Variants in DNAJA3 observed in about 807,000 individuals in gnomAD.
DNAJA3 encodes dnaJ homolog subfamily A member 3, mitochondrial.
DNAJA3 carries 29 observed loss-of-function variants against 54.9 expected under a neutral mutation model. That is an observed-to-expected ratio of 0.53 (90% CI 0.39 to 0.72). The LOEUF (loss-of-function observed/expected upper bound fraction) is 0.72, where lower values mean the gene tolerates loss of function less well. Ranked by LOEUF, DNAJA3 falls within the 30% of genes least tolerant of loss-of-function variation. The pLI, the probability that DNAJA3 is intolerant of heterozygous loss-of-function variation, is 0.00. For missense variants in DNAJA3, 708 were observed against 639.4 expected (o/e 1.11, Z -1.16); for synonymous variants, 302 against 251.4 (o/e 1.20, Z -1.90).
Position 4,434,431 on chromosome 16 carries a change from G to GC in DNAJA3, c.263dup (p.Leu89PhefsTer35). On this transcript the variant is annotated frameshift_variant, in exon 2 of 12. Coordinates refer to ENST00000262375, the MANE Select transcript of DNAJA3 (RefSeq NM_005147.6). LOFTEE classifies it high-confidence loss of function. ...TTGTACTGCCTCCTTCCACACGAGT[G>GC]CCCCTTTGGCCAAAGAAGATTATTA... 6.2e-7 allele frequency: 1 copy of GC among 1,613,882 alleles called. No individual in the cohort carries two copies. Among genetic ancestry groups the GC allele is most frequent in the Non-Finnish European group, 8.5e-7 (1 of 1,179,982 alleles).
At chr16:4,429,370 C>T (rs1469370577) in intron 1 of DNAJA3, among the ~76,000 whole-genome samples, 1 of 152,068 alleles carries the variant, frequency 6.6e-6, no homozygotes, top group African/African-American at 2.4e-5. Flanking sequence ...ACTACAGGCA[C>T]GTGCCACCAC....
At chr16:4,451,823 C>T (rs1415319880) in intron 10 of DNAJA3, among the ~76,000 whole-genome samples, 11 of 145,304 alleles carry the variant, frequency 7.6e-5, no homozygotes, top group Admixed American at 4.2e-4. Flanking sequence ...CACTTTGGGA[C>T]GCCGAGGAGG....
At chr16:4,434,566 GT>G in intron 2 of DNAJA3, 49 bp downstream of exon 2, 5 of 1,596,176 alleles carry the variant, frequency 3.1e-6, no homozygotes, top group Non-Finnish European at 4.3e-6. Context: ...TAGGAATGTT[GT>G]TGATCCCATG....
In DNAJA3 at chr16:4,439,163, C is replaced by T. The variant is rs534054715; in HGVS notation, c.429+1678C>T. Among the ~76,000 whole-genome samples, 16 of 151,798 alleles carry T rather than the reference C, an allele frequency of 1.1e-4. No homozygotes were observed. In the East Asian group the frequency reaches 3.1e-3, roughly 29 times the overall value. On this transcript the variant is annotated intron_variant, in intron 3 of 11. Transcript: ENST00000262375. ...GTTTGAGACCAGCCTGGCCAAGAGA[C>T]CAGCCTGAGCAATATGGTGAAACCC...
chr16:4,434,535 G>A lies in DNAJA3; in HGVS notation c.345+18G>A. The A allele has an allele frequency of 6.2e-7, 1 of 1,604,910 alleles. No homozygotes were observed. Among genetic ancestry groups the A allele is most frequent in the Non-Finnish European group, 8.5e-7 (1 of 1,177,546 alleles). Reference sequence around the variant, plus strand: ...ATTATCAGGTCTGTATGGAAGTCAGGTTTTGGTGACCAAATTGTAGTAGGA... The same window carrying A: ...ATTATCAGGTCTGTATGGAAGTCAGATTTTGGTGACCAAATTGTAGTAGGA... On this transcript the variant is annotated intron_variant, in intron 2 of 11. Coordinates refer to ENST00000262375, the MANE Select transcript of DNAJA3 (RefSeq NM_005147.6).
At chr16:4,451,114 A>T (rs543914030) in intron 10 of DNAJA3, among the ~76,000 whole-genome samples, 1 of 152,072 alleles carries the variant, frequency 6.6e-6, no homozygotes. Flanking sequence ...CGCTGAGACA[A>T]TGGCACCCCA....
intron 4 of DNAJA3, 66 bp downstream of exon 4, chr16:4,441,641 A>G: frequency 6.5e-7 from 1 of 1,535,082 alleles, no homozygotes; most frequent in South Asian, 1.2e-5. Context: ...AAATTTTTTT[A>G]TCAGTTTCTG....
chr16:4,427,804 G>C (rs1455275049), intron 1 of DNAJA3, among the ~76,000 whole-genome samples: 1 of 152,128 alleles, frequency 6.6e-6, no homozygotes, highest in Non-Finnish European at 1.5e-5. Context: ...GAGTAGCTGG[G>C]ACTACAGGCA....
intron 1 of DNAJA3, 142 bp from the exon 2 acceptor site, chr16:4,434,242 A>G: frequency 1.1e-6 from 1 of 871,974 alleles, no homozygotes; most frequent in Non-Finnish European, 1.7e-6. Context: ...CTAAAATTCT[A>G]GTTGAGATCT....
chr16:4,432,433 C>G (rs145337474), intron 1 of DNAJA3, among the ~76,000 whole-genome samples: 1 of 151,310 alleles, frequency 6.6e-6, no homozygotes, highest in Non-Finnish European at 1.5e-5. Context: ...ACCTCTGCCC[C>G]CCAGGTTCAA....
chr16:4,434,322 C>T, intron 1 of DNAJA3, 62 bp from the exon 2 acceptor site: 1 of 1,577,856 alleles, frequency 6.3e-7, no homozygotes. Context: ...GGGTCATGTA[C>T]TCACAGTTTT....
intron 1 of DNAJA3, chr16:4,430,524 C>G (rs2056684049): frequency 6.6e-6 from 1 of 150,714 alleles, no homozygotes; most frequent in Admixed American, 6.6e-5. Context: ...GATCGCGCCA[C>G]TGCCCTCCAG....
At chr16:4,428,791 G>A (rs990673041) in intron 1 of DNAJA3, among the ~76,000 whole-genome samples, 3 of 152,072 alleles carry the variant, frequency 2.0e-5, no homozygotes, top group Admixed American at 1.3e-4. Context: ...TAATTCCAGC[G>A]CTATGCTGGC....
At chr16:4,444,395 G>A (rs527289421) in intron 6 of DNAJA3, among the ~76,000 whole-genome samples, 47 of 149,358 alleles carry the variant, frequency 3.1e-4, no homozygotes, top group African/African-American at 1.1e-3. Flanking sequence ...CCAGGCTGGC[G>A]TGTAGTGGAG....
chr16:4,446,895 A>G lies in DNAJA3; in HGVS notation c.1006A>G (p.Ser336Gly). Residue 336 changes from serine (S) to glycine (G), a missense_variant, in exon 8 of 12, where the codon AGC becomes GGC. Ser to Gly is a moderately conservative substitution (Grantham distance 56). Coordinates refer to ENST00000262375, the MANE Select transcript of DNAJA3 (RefSeq NM_005147.6). ...TCATGTTTGGCCTTAGGTGCAGAAA[A>G]GCCCTGTGTTCCGGAGGGACGGCGC... is the stretch of plus-strand genomic sequence containing the variant. ...EIFITFRVQK[S>G]PVFRRDGADI... 6.2e-7 allele frequency: 1 copy of G among 1,614,058 alleles called. No individual in the cohort carries two copies.
intron 10 of DNAJA3, among the ~76,000 whole-genome samples, chr16:4,453,793 G>T (rs940559307): frequency 2.0e-5 from 3 of 152,156 alleles, no homozygotes; most frequent in African/African-American, 7.2e-5. Flanking sequence ...CCTTCCCGGG[G>T]ACCTGTGGCC....
chr16:4,441,201 C>T, intron 3 of DNAJA3, 174 bp from the exon 4 acceptor site: 1 of 607,614 alleles, frequency 1.6e-6, no homozygotes, highest in Non-Finnish European at 2.9e-6. Context: ...TCAGTTTGGT[C>T]ATCTCATCCC....
chr16:4,427,562 TTCAC>T (rs2056640630), intron 1 of DNAJA3, among the ~76,000 whole-genome samples: 1 of 152,230 alleles, frequency 6.6e-6, no homozygotes, highest in African/African-American at 2.4e-5. Context: ...AATTCATTCA[TTCAC>T]AGGTGTTAAT....
intron 1 of DNAJA3, among the ~76,000 whole-genome samples, chr16:4,432,217 G>A (rs1392792050): frequency 6.7e-6 from 1 of 149,834 alleles, no homozygotes; most frequent in Non-Finnish European, 1.5e-5. Flanking sequence ...TAGAGACAGG[G>A]TCTCTGTGTT....
Sources: allele counts gnomAD v4.1 joint callset (sites outside exome capture counted in the v4.1 genomes callset), GRCh38; gene constraint gnomAD v4.1.1; transcripts MANE v1.5; gene names NCBI Gene and HGNC (gene_info 2026-07-23, HGNC 2026-07-21).